Variants in EIF2AK3 observed in about 807,000 individuals in gnomAD.
The protein encoded by EIF2AK3 is eukaryotic translation initiation factor 2 alpha kinase 3.
EIF2AK3 carries 50 observed loss-of-function variants against 113.5 expected under a neutral mutation model. The ratio of observed to expected loss-of-function variants is 0.44; its 90% CI spans 0.35 to 0.56. The LOEUF is 0.56. Ranked by LOEUF, EIF2AK3 falls within the 20% of genes least tolerant of loss-of-function variation. The pLI, the probability that EIF2AK3 is intolerant of heterozygous loss-of-function variation, is 0.00. For missense variants in EIF2AK3, 1,185 were observed against 1,378.0 expected (o/e 0.86, Z 2.22); for synonymous variants, 448 against 495.4 (o/e 0.90, Z 1.27).
Position 88,590,434 on chromosome 2 carries a change from T to C in EIF2AK3, c.1165+9A>G. The C allele has an allele frequency of 6.2e-7, 1 of 1,613,662 alleles. No individual in the cohort carries two copies. Among genetic ancestry groups the C allele is most frequent in the Non-Finnish European group, 8.5e-7 (1 of 1,179,794 alleles). On this transcript the variant is annotated intron_variant, in intron 6 of 16. Coordinates refer to ENST00000303236, the MANE Select transcript of EIF2AK3 (RefSeq NM_004836.7). Reference sequence around the variant, plus strand: ...GTGTACTATCGTTAGATAAGATACATTTACTCACCCAAGTAAACACTGTTT... The same window carrying C: ...GTGTACTATCGTTAGATAAGATACACTTACTCACCCAAGTAAACACTGTTT...
intron 14 of EIF2AK3, among the ~76,000 whole-genome samples, chr2:88,569,182 C>T (rs189390249): frequency 3.3e-5 from 5 of 152,090 alleles, no homozygotes; most frequent in South Asian, 2.1e-4. Context: ...TGAGCCACTG[C>T]GACTGGCCGA....
intron 9 of EIF2AK3, among the ~76,000 whole-genome samples, chr2:88,584,835 G>A (rs1385293463): frequency 2.6e-5 from 4 of 152,264 alleles, no homozygotes; most frequent in African/African-American, 9.6e-5. Flanking sequence ...ACGGTCTACA[G>A]GAAGGACTGA....
chr2:88,579,630 CAGTT>C lies in EIF2AK3; in HGVS notation c.1770_1773del (p.Thr591IlefsTer23), dbSNP rs1290854360. 6.2e-7 allele frequency: 1 copy of C among 1,613,304 alleles called. No homozygotes were observed. Among genetic ancestry groups the C allele is most frequent in the Non-Finnish European group, 8.5e-7 (1 of 1,179,614 alleles). On this transcript the variant is annotated frameshift_variant, in exon 11 of 17. Transcript: ENST00000303236. LOFTEE classifies it high-confidence loss of function. ...CCCAGGCATTGAATTGGCTCAAAAT[CAGTT>C]AGATATCTTTAAAAAGAGATAAAAT...
Position 88,627,393 on chromosome 2 carries a change from C to A in EIF2AK3, c.-119G>T. 8.1e-7 allele frequency: 1 copy of A among 1,236,134 alleles called. No individual in the cohort carries two copies. The highest frequency in any genetic ancestry group is 1.0e-6 in the Non-Finnish European group (1 of 962,370). The allele number at this position is 1,236,134 out of a possible 1,614,324, so 76.6% of individuals were successfully genotyped here. On this transcript the variant is annotated 5_prime_UTR_variant, in exon 1 of 17. In the 5' UTR this introduces an upstream ATG that the reference lacks. Transcript: ENST00000303236. ...GGGACCCTACTGCCGCCCCGACGGC[C>A]TGGACAGCCAGCCGTGTTCCCCTGG...
Position 88,557,639 on chromosome 2 carries a change from A to C in EIF2AK3, c.*97T>G. 1 of 1,370,834 alleles carries C rather than the reference A, an allele frequency of 7.3e-7. No individual in the cohort carries two copies. The highest frequency in any genetic ancestry group is 1.0e-6 in the Non-Finnish European group (1 of 960,492). 84.9% of individuals were successfully genotyped at this position (1,370,834 alleles called of 1,614,324 possible). A position where few individuals can be genotyped will look rare whatever the true frequency, so the allele number is the denominator to read the frequency against. On this transcript the variant is annotated 3_prime_UTR_variant, in exon 17 of 17. Transcript: ENST00000303236. Reference sequence around the variant, plus strand: ...AGTAGTCCACAAAAAAATTGAGCGAAGAACAAACTTTTCAAGTCTGCAATT... The same window carrying C: ...AGTAGTCCACAAAAAAATTGAGCGACGAACAAACTTTTCAAGTCTGCAATT...
rs192108803 is a variant in EIF2AK3 at position 88,578,306 on chromosome 2, G to A, written c.1886+1212C>T. ...CTCATGCCTGCAATCCCAGCACTTCGGGAGGGCAAGACGGGTGGATCATTT... is the reference window on the plus strand; with the variant it reads ...CTCATGCCTGCAATCCCAGCACTTCAGGAGGGCAAGACGGGTGGATCATTT... On this transcript the variant is annotated intron_variant, in intron 11 of 16. Transcript: ENST00000303236. Among the ~76,000 whole-genome samples, 6 of 152,276 alleles carry A rather than the reference G, an allele frequency of 3.9e-5. No individual in the cohort carries two copies. The East Asian group carries it at 9.7e-4, about 25-fold the overall frequency.
In EIF2AK3 at chr2:88,557,721, T is replaced by C. The variant is rs1276955710; in HGVS notation, c.*15A>G. The C allele has an allele frequency of 3.1e-6, 5 of 1,613,596 alleles. No homozygotes were observed. Among genetic ancestry groups the C allele is most frequent in the Admixed American group, 3.3e-5 (2 of 60,028 alleles). On this transcript the variant is annotated 3_prime_UTR_variant, in exon 17 of 17. Transcript: ENST00000303236. ...TATCTGCATCACCTATTAGGGTTGC[T>C]AGCACAACTTAAGGCTAATTGCTTG...
intron 1 of EIF2AK3, among the ~76,000 whole-genome samples, chr2:88,617,743 G>A (rs1285708454): frequency 1.5e-5 from 2 of 134,262 alleles, no homozygotes; most frequent in Non-Finnish European, 1.6e-5. Context: ...GCAACACAGC[G>A]AGACTCCATC....
chr2:88,609,166 C>T (rs951425555), intron 2 of EIF2AK3, among the ~76,000 whole-genome samples: 1 of 152,070 alleles, frequency 6.6e-6, no homozygotes, highest in South Asian at 2.1e-4. Flanking sequence ...ATGACTCATG[C>T]TCACAATACA....
chr2:88,558,944 T>C lies in EIF2AK3; in HGVS notation c.3123A>G (p.Pro1041=). ...CACAAGGATATTTCTGAGTAAATAA[T>C]GGTGGAAATTTGAGATTTCTTACAT... ...LTDVRNLKFP[P]LFTQKYPCEY... Residue 1041 remains proline, a synonymous_variant, in exon 16 of 17, where the codon CCA becomes CCG. Coordinates refer to ENST00000303236, the MANE Select transcript of EIF2AK3 (RefSeq NM_004836.7). The C allele has an allele frequency of 6.3e-7, 1 of 1,598,196 alleles. No homozygotes were observed. Among genetic ancestry groups the C allele is most frequent in the South Asian group, 1.1e-5 (1 of 90,678 alleles).
intron 10 of EIF2AK3, chr2:88,579,905 C>G (rs933494306): frequency 7.7e-6 from 3 of 387,220 alleles, no homozygotes; most frequent in African/African-American, 6.2e-5. Flanking sequence ...CTTTTTCTTA[C>G]AACTGCTGCA....
rs535701506 is a variant in EIF2AK3, at chr2:88,590,492, T to G, written c.1116A>C (p.Glu372Asp). ...TSNDDVLEDE[E>D]DIVEAARGAT... ...CTCCTCTGGCAGCTTCTACAATGTC[T>G]TCTTCATCTTCTAAAACATCATCAT... The change falls in exon 6 of 17, where the codon GAA (glutamate) becomes GAC (aspartate). Residue 372 changes from glutamate to aspartate, a missense_variant. Coordinates refer to ENST00000303236, the MANE Select transcript of EIF2AK3 (RefSeq NM_004836.7). 1.2e-6 allele frequency: 2 copies of G among 1,613,946 alleles called. No homozygotes were observed. The highest frequency in any genetic ancestry group is 1.7e-6 in the Non-Finnish European group (2 of 1,179,940).
intron 14 of EIF2AK3, among the ~76,000 whole-genome samples, chr2:88,570,077 T>C (rs1037921928): frequency 6.6e-6 from 1 of 152,156 alleles, no homozygotes; most frequent in Non-Finnish European, 1.5e-5. Flanking sequence ...AAAATACTTA[T>C]TTTTCATAAA....
At chr2:88,594,953 G>A (rs887069914) in intron 3 of EIF2AK3, among the ~76,000 whole-genome samples, 6 of 151,846 alleles carry the variant, frequency 4.0e-5, no homozygotes, top group Non-Finnish European at 5.9e-5. Context: ...CAGCACTTTG[G>A]GAGGCTGAAG....
intron 2 of EIF2AK3, among the ~76,000 whole-genome samples, chr2:88,604,104 T>C (rs1424526963): frequency 2.0e-5 from 3 of 152,112 alleles, no homozygotes; most frequent in African/African-American, 7.2e-5. Context: ...CTAGAAATAG[T>C]CTCCCAATTT....
intron 1 of EIF2AK3, 74 bp downstream of exon 1, chr2:88,626,893 C>T (rs1434033242): frequency 1.9e-6 from 3 of 1,558,492 alleles, no homozygotes; most frequent in Admixed American, 1.8e-5. Context: ...CCCGGATCTC[C>T]GCCCCCCTAC....
chr2:88,603,750 G>A (rs1230448805), intron 2 of EIF2AK3, among the ~76,000 whole-genome samples: 2 of 152,096 alleles, frequency 1.3e-5, no homozygotes, highest in African/African-American at 4.8e-5. Context: ...CTTTCAAGGT[G>A]ATTGATCTTC....
At chr2:88,571,985 C>T (rs913369663) in intron 13 of EIF2AK3, among the ~76,000 whole-genome samples, 5 of 152,134 alleles carry the variant, frequency 3.3e-5, no homozygotes, top group African/African-American at 1.2e-4. Flanking sequence ...AATATGACCA[C>T]CATTCATAGC....
chr2:88,615,279 A>G (rs1675542965), intron 1 of EIF2AK3, among the ~76,000 whole-genome samples: 1 of 152,206 alleles, frequency 6.6e-6, no homozygotes, highest in Non-Finnish European at 1.5e-5. Flanking sequence ...GCTCCTGCAA[A>G]TGTCTCCTGT....
Sources: gnomAD v4.1 joint callset for allele counts (sites outside exome capture counted in the v4.1 genomes callset) on GRCh38, gnomAD v4.1.1 for gene constraint, MANE v1.5 for transcripts, NCBI Gene and HGNC (gene_info 2026-07-23, HGNC 2026-07-21) for gene names.